Variants in SLC25A42 observed in about 807,000 individuals in gnomAD.
The protein encoded by SLC25A42 is solute carrier family 25 member 42.
A neutral mutation model predicts 34.7 loss-of-function variants in SLC25A42; 19 were observed. That is an observed-to-expected ratio of 0.55 (90% CI 0.38 to 0.80). The LOEUF (loss-of-function observed/expected upper bound fraction) is 0.80, where lower values mean the gene tolerates loss of function less well. SLC25A42 is among the 30% of genes least tolerant of loss of function. The pLI is 0.00. For missense variants in SLC25A42, 364 were observed against 441.3 expected (o/e 0.82, Z 1.57); for synonymous variants, 205 against 191.2 (o/e 1.07, Z -0.59).
In SLC25A42 at chr19:19,110,711, C is replaced by T. The variant is rs747729115; in HGVS notation, c.792C>T (p.Arg264=). ...CGGCCGGCGTCACGGGCTACCCGCGCGCCTCCATCGCCCGCACGCTGCGCA... is the reference window on the plus strand; with the variant it reads ...CGGCCGGCGTCACGGGCTACCCGCGTGCCTCCATCGCCCGCACGCTGCGCA... The part of the protein sequence containing the change: ...MQTAGVTGYP[R]ASIARTLRTI... Residue 264 remains arginine (R), a synonymous_variant, in exon 8 of 8, where the codon CGC becomes CGT. Coordinates refer to ENST00000318596, the MANE Select transcript of SLC25A42 (RefSeq NM_178526.5). The T allele has an allele frequency of 1.9e-6, 3 of 1,599,822 alleles. No individual in the cohort carries two copies. Among genetic ancestry groups the T allele is most frequent in the East Asian group, 4.6e-5 (2 of 43,658 alleles).
At chr19:19,064,943 T>G (rs10405178) in intron 1 of SLC25A42, among the ~76,000 whole-genome samples, 3,572 of 152,256 alleles carry the variant, frequency 0.023, 132 homozygotes, top group African/African-American at 0.082. Context: ...TAATCCCATC[T>G]GTCAGACCAA....
At chr19:19,108,162 T>C (rs1599692795) in intron 7 of SLC25A42, 117 bp downstream of exon 7, 2 of 1,190,996 alleles carry the variant, frequency 1.7e-6, no homozygotes, top group Non-Finnish European at 2.3e-6. Context: ...GACCCCTGGG[T>C]GGGGCAGGCT....
At chr19:19,077,662 C>T (rs2059661563) in intron 1 of SLC25A42, among the ~76,000 whole-genome samples, 1 of 152,140 alleles carries the variant, frequency 6.6e-6, no homozygotes, top group African/African-American at 2.4e-5. Flanking sequence ...CCAAGATGGG[C>T]AGATCACCTG....
chr19:19,095,245 G>C (rs562371853), intron 1 of SLC25A42, among the ~76,000 whole-genome samples: 9 of 151,838 alleles, frequency 5.9e-5, no homozygotes, highest in African/African-American at 2.2e-4. Flanking sequence ...TGACCAAGTG[G>C]GAGGATCACT....
rs547581970 is a variant in SLC25A42 at position 19,104,793 on chromosome 19, G to A, written c.188-120G>A. Reference sequence around the variant, plus strand: ...GGGTGTCAGCTCAGCTCCCATTCCTGGGACAAGATTGGGGGGAAAAGGAGG... The same window carrying A: ...GGGTGTCAGCTCAGCTCCCATTCCTAGGACAAGATTGGGGGGAAAAGGAGG... On this transcript the variant is annotated intron_variant, in intron 3 of 7. Transcript: ENST00000318596. 2.5e-4 allele frequency: 269 copies of A among 1,080,750 alleles called. No homozygotes were observed. The African/African-American group carries it at 5.9e-3, about 24-fold the overall frequency. 66.9% of individuals were successfully genotyped at this position (1,080,750 alleles called of 1,614,324 possible).
In SLC25A42 at chr19:19,107,948, G is replaced by T. The variant is rs745821632; in HGVS notation, c.552G>T (p.Lys184Asn). ...FIRISREEGL[K>N]TLYHGFMPTV... ...GCATCTCGAGAGAAGAGGGGCTGAA[G>T]ACTCTCTACCATGGATTTATGCCCA... The change falls in exon 7 of 8, where the codon AAG (lysine) becomes AAT (asparagine). Residue 184 changes from lysine (K) to asparagine (N), a missense_variant. Lys to Asn is a moderately conservative substitution (Grantham distance 94). Transcript: ENST00000318596. 3 of 1,614,128 alleles carry T rather than the reference G, an allele frequency of 1.9e-6. No homozygotes were observed. Among genetic ancestry groups the T allele is most frequent in the Non-Finnish European group, 2.5e-6 (3 of 1,180,000 alleles).
At chr19:19,089,165 C>T (rs575757484) in intron 1 of SLC25A42, among the ~76,000 whole-genome samples, 5 of 152,266 alleles carry the variant, frequency 3.3e-5, no homozygotes, top group South Asian at 2.1e-4. Context: ...TGAAACAAAG[C>T]GTGGTGGCAC....
intron 7 of SLC25A42, among the ~76,000 whole-genome samples, chr19:19,108,499 T>G (rs919819686): frequency 4.6e-5 from 7 of 151,542 alleles, no homozygotes; most frequent in African/African-American, 1.7e-4. Flanking sequence ...CAGTGAGCTG[T>G]GATCTCACTG....
At chr19:19,091,533 T>G (rs1258825855) in intron 1 of SLC25A42, among the ~76,000 whole-genome samples, 2 of 152,158 alleles carry the variant, frequency 1.3e-5, no homozygotes, top group East Asian at 3.9e-4. Context: ...TCAATATTTC[T>G]GCAAAATAGG....
At chr19:19,097,157 C>G (rs2059770016) in intron 2 of SLC25A42, among the ~76,000 whole-genome samples, 1 of 152,202 alleles carries the variant, frequency 6.6e-6, no homozygotes, top group South Asian at 2.1e-4. Context: ...CCGACCCAGC[C>G]CCACGCAGAA....
chr19:19,070,991 C>CTTTTTTTTTTTTTTTT lies in SLC25A42; in HGVS notation c.-35+6880_-35+6895dup, dbSNP rs35787720. Among the ~76,000 whole-genome samples the CTTTTTTTTTTTTTTTT allele has an allele frequency of 1.5e-4, 18 of 117,208 alleles. 1 individual carries two copies. Among genetic ancestry groups the CTTTTTTTTTTTTTTTT allele is most frequent in the African/African-American group, 6.2e-4 (18 of 28,858 alleles). 76.9% of individuals were successfully genotyped at this position (117,208 alleles called of 152,430 possible). On this transcript the variant is annotated intron_variant, in intron 1 of 7. Coordinates refer to ENST00000318596, the MANE Select transcript of SLC25A42 (RefSeq NM_178526.5). The stretch of plus-strand genomic sequence containing the variant: ...GACCTGACTAGTGAATGCATACCGT[C>CTTTTTTTTTTTTTTTT]TTTTTTTTTTTTTTTTTTTAATACA...
rs200137190 is a variant in SLC25A42 at position 19,110,344 on chromosome 19, CA to C, written c.650-215del. On this transcript the variant is annotated intron_variant, in intron 7 of 7. Coordinates refer to ENST00000318596, the MANE Select transcript of SLC25A42 (RefSeq NM_178526.5). ...GGCAACAAGAGTGAAATTACATCTC[CA>C]AAAAAAAAATTTTTTTTATTTCTCG... 8.0e-3 allele frequency among the ~76,000 whole-genome samples: 1,204 copies of C among 150,432 alleles called. 13 individuals carry two copies. The highest frequency in any genetic ancestry group is 0.028 in the African/African-American group (1,161 of 41,094).
At chr19:19,088,370 T>C (rs1247867117) in intron 1 of SLC25A42, among the ~76,000 whole-genome samples, 1 of 151,680 alleles carries the variant, frequency 6.6e-6, no homozygotes, top group Admixed American at 6.6e-5. Flanking sequence ...CACGCCTGGC[T>C]AATTTTTTTG....
At chr19:19,106,626 A>T (rs979353502) in intron 6 of SLC25A42, 2 of 331,486 alleles carry the variant, frequency 6.0e-6, no homozygotes, top group Non-Finnish European at 1.1e-5. Flanking sequence ...CTGGGCACAG[A>T]TGCAGTAAAA....
At chr19:19,097,864 G>A (rs1042300041) in intron 2 of SLC25A42, among the ~76,000 whole-genome samples, 6 of 151,936 alleles carry the variant, frequency 3.9e-5, no homozygotes, top group Non-Finnish European at 8.8e-5. Context: ...GCATGAGGTT[G>A]AAGTGGGAGA....
At chr19:19,099,953 C>G (rs142059926) in intron 2 of SLC25A42, among the ~76,000 whole-genome samples, 62 of 151,854 alleles carry the variant, frequency 4.1e-4, no homozygotes, top group Middle Eastern at 3.4e-3. Flanking sequence ...GTCTCGAACT[C>G]CTGACCTCAC....
intron 1 of SLC25A42, among the ~76,000 whole-genome samples, chr19:19,066,577 T>A (rs778052221): frequency 2.0e-5 from 3 of 151,582 alleles, no homozygotes; most frequent in Non-Finnish European, 2.9e-5. Flanking sequence ...GCCTCCTGAG[T>A]AGCTGGGACT....
intron 1 of SLC25A42, among the ~76,000 whole-genome samples, chr19:19,083,110 C>G (rs766480019): frequency 1.3e-5 from 2 of 152,118 alleles, no homozygotes; most frequent in Non-Finnish European, 1.5e-5. Flanking sequence ...GTGTGAGCCA[C>G]CCAGCTAATT....
At chr19:19,093,196 TC>T (rs2059747315) in intron 1 of SLC25A42, among the ~76,000 whole-genome samples, 1 of 152,078 alleles carries the variant, frequency 6.6e-6, no homozygotes, top group Non-Finnish European at 1.5e-5. Flanking sequence ...AATTTTTTTC[TC>T]TAGAGACGGG....
Sources: gnomAD v4.1 joint callset for allele counts (sites outside exome capture counted in the v4.1 genomes callset) on GRCh38, gnomAD v4.1.1 for gene constraint, MANE v1.5 for transcripts, NCBI Gene and HGNC (gene_info 2026-07-23, HGNC 2026-07-21) for gene names.